ZNF415: variants seen among roughly 807,000 people sequenced by gnomAD.
ZNF415 encodes the protein zinc finger protein 415.
In ZNF415, 5 loss-of-function variants were observed where a neutral mutation model predicts 7.3. The observed-to-expected ratio is 0.69, with a 90% CI of 0.36 to 1.44. The LOEUF is 1.44. Among genes scored for constraint, ZNF415 ranks in the 40% most tolerant of loss-of-function variants. ZNF415 has a pLI of 0.04. For missense variants in ZNF415, 628 were observed against 664.8 expected, an observed-to-expected ratio of 0.94 and a Z score of 0.61; for synonymous variants, 207 against 226.3, an observed-to-expected ratio of 0.91 and a Z score of 0.77.
chr19:53,111,340 CTTTTTTT>C (rs61112807), intron 3 of ZNF415, among the ~76,000 whole-genome samples: 4 of 105,118 alleles, frequency 3.8e-5, no homozygotes, highest in Admixed American at 2.5e-4. Flanking sequence ...TATGATATTT[CTTTTTTT>C]TTTTTTTTTT....
intron 1 of ZNF415, among the ~76,000 whole-genome samples, chr19:53,131,082 T>C (rs2090014416): frequency 6.7e-6 from 1 of 148,666 alleles, no homozygotes; most frequent in African/African-American, 2.5e-5. Context: ...TTTTTTTTTT[T>C]TTTTTTTTTA....
Position 53,109,108 on chromosome 19 carries a change from A to G in ZNF415, c.937T>C (p.Ser313Pro). The G allele has an allele frequency of 6.2e-7, 1 of 1,614,004 alleles. No homozygotes were observed. Residue 313 changes from serine (S) to proline (P), a missense_variant, in exon 4 of 4, where the codon TCA becomes CCA. By Grantham distance (74) the Ser-to-Pro change is moderately conservative. Coordinates refer to ENST00000243643, the MANE Select transcript of ZNF415 (RefSeq NM_018355.4). ...GTTTTCTGATGTAGTGCAAGGCATG[A>G]ATTTCGACTGAAGACCTTGTCACAC... ...YECDKVFSRN[S>P]CLALHQKTHI...
intron 2 of ZNF415, among the ~76,000 whole-genome samples, chr19:53,121,077 C>CAAAAAAAAAAA: frequency 2.5e-5 from 1 of 40,350 alleles, no homozygotes; most frequent in Non-Finnish European, 4.2e-5. Context: ...GAGGAAGACT[C>CAAAAAAAAAAA]AAAAAAAAAA....
At chr19:53,110,557 T>G (rs1389782319) in intron 3 of ZNF415, among the ~76,000 whole-genome samples, 1 of 151,986 alleles carries the variant, frequency 6.6e-6, no homozygotes, top group Non-Finnish European at 1.5e-5. Flanking sequence ...TGCATGAAAC[T>G]TACTAAAAAC....
At chr19:53,129,643 G>A (rs1661926) in intron 1 of ZNF415, 168,159 of 398,844 alleles carry the variant, frequency 0.42, 37,532 homozygotes, top group Middle Eastern at 0.49. Context: ...CTGAGAGAGG[G>A]AGTCATTTCA....
At chr19:53,125,668 G>A (rs1481478014) in intron 1 of ZNF415, among the ~76,000 whole-genome samples, 1 of 151,898 alleles carries the variant, frequency 6.6e-6, no homozygotes, top group Non-Finnish European at 1.5e-5. Flanking sequence ...ACTGGAGCCA[G>A]GCGCGGTGGC....
chr19:53,117,301 C>T (rs939180905), intron 2 of ZNF415, among the ~76,000 whole-genome samples: 6 of 151,808 alleles, frequency 4.0e-5, no homozygotes, highest in Non-Finnish European at 7.4e-5. Context: ...ACTAGCCGAG[C>T]GTGGTGGTGC....
In ZNF415 at chr19:53,108,840, T is replaced by C. The variant is rs1007853193; in HGVS notation, c.1205A>G (p.His402Arg). ...TTTCTCTCCAGTATGAATTCTCCAA[T>C]GCCTTGCAAGGCTTGAAGTCTGACT... ...VFSQTSSLAR[H>R]WRIHTGEKPY... is the part of the protein sequence containing the mutation. Residue 402 changes from histidine to arginine, a missense_variant, in exon 4 of 4, where the codon CAT (histidine) becomes CGT (arginine). Physicochemically the swap from His to Arg is conservative, Grantham distance 29 (BLOSUM62 0). Transcript: ENST00000243643. 1.2e-6 allele frequency: 2 copies of C among 1,614,180 alleles called. No homozygotes were observed. Among genetic ancestry groups the C allele is most frequent in the Non-Finnish European group, 1.7e-6 (2 of 1,180,018 alleles).
intron 1 of ZNF415, chr19:53,123,718 A>G (rs1415063094): frequency 5.0e-6 from 2 of 398,120 alleles, no homozygotes; most frequent in Non-Finnish European, 8.9e-6. Context: ...CCTCAAAAGA[A>G]TTTTGGAAAT....
intron 3 of ZNF415, chr19:53,115,335 C>CAAA (rs11434848): frequency 1.6e-5 from 3 of 192,204 alleles, no homozygotes; most frequent in Non-Finnish European, 2.2e-5. Flanking sequence ...AACTCCATCT[C>CAAA]AAAAAAAAAA....
chr19:53,111,495 AC>A (rs2086241356), intron 3 of ZNF415, among the ~76,000 whole-genome samples: 1 of 151,780 alleles, frequency 6.6e-6, no homozygotes, highest in African/African-American at 2.4e-5. Context: ...GGTGCCTACC[AC>A]CATGCCTGGC....
Position 53,109,180 on chromosome 19 carries a change from G to A in ZNF415, c.865C>T (p.Leu289=). ...RSFSRNSCLA[L]HRRVHTGEKP... is the part of the protein sequence containing the mutation. ...TCTCCAGTGTGAACTCTCCGATGTAGTGCAAGGCATGAGTTGCGACTGAAA... is the reference window on the plus strand; with the variant it reads ...TCTCCAGTGTGAACTCTCCGATGTAATGCAAGGCATGAGTTGCGACTGAAA... Residue 289 remains leucine (L), a synonymous_variant, in exon 4 of 4, where the codon CTA becomes TTA. Coordinates refer to ENST00000243643, the MANE Select transcript of ZNF415 (RefSeq NM_018355.4). 1 of 1,613,986 alleles carries A rather than the reference G, an allele frequency of 6.2e-7. No homozygotes were observed. The highest frequency in any genetic ancestry group is 1.7e-5 in the Admixed American group (1 of 60,014).
At chr19:53,110,222 G>A (rs1043598552) in intron 3 of ZNF415, among the ~76,000 whole-genome samples, 2 of 152,024 alleles carry the variant, frequency 1.3e-5, no homozygotes, top group African/African-American at 4.8e-5. Context: ...CACACCAATT[G>A]GCAGAAAATA....
rs776923135 is a variant in ZNF415, at chr19:53,109,190, T to C, written c.855A>G (p.Ser285=). The change falls in exon 4 of 4, where the codon TCA becomes TCG. Residue 285 remains serine (S), a synonymous_variant. Transcript: ENST00000243643. ...NECDRSFSRN[S]CLALHRRVHT... is the part of the protein sequence containing the mutation. ...GAACTCTCCGATGTAGTGCAAGGCA[T>C]GAGTTGCGACTGAAACTTCTGTCAC... The C allele has an allele frequency of 1.2e-6, 2 of 1,614,124 alleles. No homozygotes were observed. The highest frequency in any genetic ancestry group is 2.2e-5 in the South Asian group (2 of 91,086).
In ZNF415 at chr19:53,112,235, C is replaced by T. The variant is rs998555395; in HGVS notation, c.137-2327G>A. 5.9e-5 allele frequency among the ~76,000 whole-genome samples: 9 copies of T among 152,330 alleles called. No homozygotes were observed. In the South Asian group the frequency reaches 6.2e-4, roughly 11 times the overall value. On this transcript the variant is annotated intron_variant, in intron 3 of 3. Coordinates refer to ENST00000243643, the MANE Select transcript of ZNF415 (RefSeq NM_018355.4). ...CTCGGATTACAGGCGTGAGCAACCA[C>T]GCCGGGCCATCAGACGTGTTTTTAA...
chr19:53,132,334 C>A (rs1237177420), intron 1 of ZNF415, among the ~76,000 whole-genome samples: 1 of 152,110 alleles, frequency 6.6e-6, no homozygotes, highest in Non-Finnish European at 1.5e-5. Flanking sequence ...CAGGCAAGAA[C>A]ATCGGGTGTC....
At chr19:53,116,872 T>G (rs1346826395) in intron 2 of ZNF415, among the ~76,000 whole-genome samples, 1 of 151,400 alleles carries the variant, frequency 6.6e-6, no homozygotes, top group African/African-American at 2.4e-5. Context: ...CAGACAAAAA[T>G]AAAGAAAGAA....
chr19:53,122,505 T>A, intron 2 of ZNF415, 157 bp downstream of exon 2: 1 of 1,586,630 alleles, frequency 6.3e-7, no homozygotes, highest in Non-Finnish European at 8.6e-7. Context: ...GGAATCTCAG[T>A]AGAGATGAGA....
chr19:53,130,391 A>G (rs1037362143), intron 1 of ZNF415, among the ~76,000 whole-genome samples: 6 of 152,184 alleles, frequency 3.9e-5, no homozygotes, highest in Admixed American at 1.3e-4. Context: ...GACACAATTA[A>G]TTTCAAAGGG....
Sources: allele counts gnomAD v4.1 joint callset (sites outside exome capture counted in the v4.1 genomes callset), GRCh38; gene constraint gnomAD v4.1.1; transcripts MANE v1.5; gene names NCBI Gene and HGNC (gene_info 2026-07-23, HGNC 2026-07-21).